The following CTIF variants were observed in gnomAD, a reference collection of about 807,000 sequenced individuals.
CTIF encodes the protein CBP80/20-dependent translation initiation factor.
In CTIF, 21 loss-of-function variants were observed where a neutral mutation model predicts 66.0. The ratio of observed to expected loss-of-function variants is 0.32; its 90% confidence interval spans 0.23 to 0.46. The LOEUF (loss-of-function observed/expected upper bound fraction) is 0.46. CTIF is among the 20% of genes least tolerant of loss of function. CTIF has a pLI of 1.00. For synonymous variants in CTIF, 345 were observed against 326.4 expected (o/e 1.06, Z -0.62); for missense variants, 739 against 812.7 (o/e 0.91, Z 1.10).
chr18:48,687,680 A>G (rs1009505014), intron 6 of CTIF, among the ~76,000 whole-genome samples: 1 of 152,206 alleles, frequency 6.6e-6, no homozygotes, highest in African/African-American at 2.4e-5. Context: ...AGCTCCATCA[A>G]TCACAGAACC....
Position 48,757,841 on chromosome 18 carries a change from G to T in CTIF, c.585-78G>T, listed in dbSNP as rs1024816142. ...TATATGGACAAGGCAATGACTTCCT[G>T]TTCTGGCGGCTGGGCACAGGGACTC... On this transcript the variant is annotated intron_variant, in intron 7 of 11. Transcript: ENST00000256413. 5 of 1,523,228 alleles carry T rather than the reference G, an allele frequency of 3.3e-6. No homozygotes were observed. In the African/African-American group the frequency reaches 5.5e-5, roughly 17 times the overall value. The allele number at this position is 1,523,228 out of a possible 1,614,324, so 94.4% of individuals were successfully genotyped here. A position where few individuals can be genotyped will look rare whatever the true frequency, so the allele number is the denominator to read the frequency against.
intron 1 of CTIF, among the ~76,000 whole-genome samples, chr18:48,550,996 T>G (rs113929206): frequency 7.9e-5 from 12 of 152,006 alleles, no homozygotes; most frequent in African/African-American, 2.9e-4. Context: ...TATCCTGTTC[T>G]GGGCTGAATT....
At chr18:48,579,886 T>G (rs924269702) in intron 1 of CTIF, among the ~76,000 whole-genome samples, 2 of 152,236 alleles carry the variant, frequency 1.3e-5, no homozygotes, top group Admixed American at 1.3e-4. Flanking sequence ...GTGTAAACTT[T>G]CCTAGTCATG....
chr18:48,593,119 G>A (rs2089921753), intron 1 of CTIF, among the ~76,000 whole-genome samples: 1 of 152,204 alleles, frequency 6.6e-6, no homozygotes, highest in South Asian at 2.1e-4. Context: ...GAGCATGGCA[G>A]CATTCAAGGT....
chr18:48,674,447 C>T (rs1392155992), intron 6 of CTIF, among the ~76,000 whole-genome samples: 1 of 152,208 alleles, frequency 6.6e-6, no homozygotes, highest in Non-Finnish European at 1.5e-5. Flanking sequence ...CCTGGGAGCC[C>T]TAGCTTATCT....
intron 10 of CTIF, among the ~76,000 whole-genome samples, chr18:48,849,191 CTTT>C (rs892473113): frequency 3.0e-5 from 3 of 98,978 alleles, no homozygotes; most frequent in African/African-American, 8.8e-5. Context: ...CTACCAATGC[CTTT>C]TTTTTTTTTT....
chr18:48,799,560 T>A (rs2068005163), intron 9 of CTIF, among the ~76,000 whole-genome samples: 1 of 152,060 alleles, frequency 6.6e-6, no homozygotes, highest in Admixed American at 6.6e-5. Context: ...CAGAATGAAC[T>A]TCCCATCCTA....
chr18:48,805,351 G>A (rs747200045), intron 9 of CTIF, among the ~76,000 whole-genome samples: 8 of 151,716 alleles, frequency 5.3e-5, no homozygotes, highest in South Asian at 2.1e-4. Flanking sequence ...GGGCCAGGCC[G>A]CAGGCCCTGG....
chr18:48,616,999 G>A (rs999991310), intron 1 of CTIF, among the ~76,000 whole-genome samples: 1 of 152,198 alleles, frequency 6.6e-6, no homozygotes, highest in African/African-American at 2.4e-5. Context: ...TCACAGTTCT[G>A]TAAGTCAGAA....
At chr18:48,623,483 A>G (rs938120610) in intron 2 of CTIF, among the ~76,000 whole-genome samples, 4 of 152,042 alleles carry the variant, frequency 2.6e-5, no homozygotes, top group Admixed American at 6.5e-5. Flanking sequence ...ACTTTTTAAA[A>G]AAATTCTCTA....
chr18:48,616,773 T>G (rs2090408242), intron 1 of CTIF, among the ~76,000 whole-genome samples: 1 of 152,146 alleles, frequency 6.6e-6, no homozygotes, highest in South Asian at 2.1e-4. Flanking sequence ...AATCTTTTGC[T>G]TAGTAGCCTG....
At position 48,669,807 on chromosome 18, in the gene CTIF, A is replaced by G. The variant is rs1262156760; in HGVS notation, c.432-862A>G. Among the ~76,000 whole-genome samples the G allele has an allele frequency of 3.9e-4, 38 of 98,522 alleles. 1 individual carries two copies. Among genetic ancestry groups the G allele is most frequent in the African/African-American group, 1.5e-3 (38 of 25,898 alleles). 64.6% of individuals were successfully genotyped at this position (98,522 alleles called of 152,430 possible). A position where few individuals can be genotyped will look rare whatever the true frequency, so the allele number is the denominator to read the frequency against. ...AAGCTAAACATTTATATATATATAT[A>G]TATATATATATATATATATATATAT... On this transcript the variant is annotated intron_variant, in intron 5 of 11. Coordinates refer to ENST00000256413, the MANE Select transcript of CTIF (RefSeq NM_014772.3).
chr18:48,626,505 G>T (rs535301715), intron 2 of CTIF, among the ~76,000 whole-genome samples: 1 of 151,398 alleles, frequency 6.6e-6, no homozygotes, highest in Non-Finnish European at 1.5e-5. Context: ...GTGCTACCAC[G>T]CCTGGCTAAT....
chr18:48,679,041 T>C (rs927394792), intron 6 of CTIF, among the ~76,000 whole-genome samples: 1 of 152,228 alleles, frequency 6.6e-6, no homozygotes, highest in African/African-American at 2.4e-5. Context: ...AAATATTGAC[T>C]CTCTGGCTTT....
intron 1 of CTIF, among the ~76,000 whole-genome samples, chr18:48,552,324 A>G (rs1470686213): frequency 6.6e-6 from 1 of 152,182 alleles, no homozygotes; most frequent in East Asian, 1.9e-4. Context: ...GGTTCTCTGA[A>G]CTGTGCCCTC....
At chr18:48,701,551 CAG>C (rs1270640808) in intron 6 of CTIF, among the ~76,000 whole-genome samples, 13 of 152,216 alleles carry the variant, frequency 8.5e-5, no homozygotes, top group Non-Finnish European at 1.6e-4. Context: ...CCAGTGCACA[CAG>C]TGCACTCCCT....
At chr18:48,549,700 T>A (rs193283613) in intron 1 of CTIF, among the ~76,000 whole-genome samples, 3 of 152,196 alleles carry the variant, frequency 2.0e-5, no homozygotes, top group Non-Finnish European at 2.9e-5. Flanking sequence ...TTTCCCAGAA[T>A]TCCCCTGCTG....
At chr18:48,561,185 C>T (rs2089150674) in intron 1 of CTIF, among the ~76,000 whole-genome samples, 1 of 135,498 alleles carries the variant, frequency 7.4e-6, no homozygotes, top group Non-Finnish European at 1.5e-5. Context: ...TTGCAGTGAG[C>T]CAAGATTGTG....
At chr18:48,695,009 T>C (rs952914544) in intron 6 of CTIF, among the ~76,000 whole-genome samples, 1 of 152,236 alleles carries the variant, frequency 6.6e-6, no homozygotes, top group Non-Finnish European at 1.5e-5. Flanking sequence ...AAGTTCCTCA[T>C]GCTTTTTAAA....
Sources: gnomAD v4.1 joint callset for allele counts (sites outside exome capture counted in the v4.1 genomes callset) on GRCh38, gnomAD v4.1.1 for gene constraint, MANE v1.5 for transcripts, NCBI Gene and HGNC (gene_info 2026-07-23, HGNC 2026-07-21) for gene names.